Variants in ODF2L observed in about 807,000 individuals in gnomAD.
The protein encoded by ODF2L is protein BCAP.
A neutral mutation model predicts 86.3 loss-of-function variants in ODF2L; 76 were observed. That is an observed-to-expected ratio of 0.88 (90% confidence interval 0.73 to 1.07). ODF2L has a LOEUF of 1.07. ODF2L is among the 50% of genes least tolerant of loss of function. The pLI is 0.00. For synonymous variants in ODF2L, 241 were observed against 231.3 expected, an observed-to-expected ratio of 1.04 and a Z score of -0.38; for missense variants, 748 against 717.4, an observed-to-expected ratio of 1.04 and a Z score of -0.49.
intron 13 of ODF2L, 29 bp from the exon 13 acceptor site, chr1:86,356,631 C>G: frequency 5.0e-6 from 8 of 1,587,196 alleles, no homozygotes; most frequent in Non-Finnish European, 6.9e-6. Context: ...GAAATAAGTG[C>G]AAGATCACAC....
At chr1:86,359,000 T>G (rs911392293) in intron 12 of ODF2L, 109 bp from the exon 12 acceptor site, 6 of 561,496 alleles carry the variant, frequency 1.1e-5, no homozygotes, top group African/African-American at 2.0e-5. Flanking sequence ...CCTATCAATA[T>G]CCTTGACTGG....
chr1:86,395,248 T>TC (rs944622827), intron 1 of ODF2L, among the ~76,000 whole-genome samples: 60 of 152,322 alleles, frequency 3.9e-4, no homozygotes, highest in African/African-American at 1.4e-3. Flanking sequence ...GAGGAAACTG[T>TC]CTTCGAAATA....
At chr1:86,348,786 CTG>C (rs748251656), downstream of ODF2L, 1 of 1,530,054 alleles carries the variant, frequency 6.5e-7, no homozygotes, top group Non-Finnish European at 8.7e-7. Context: ...TTTTAAGAAA[CTG>C]TAAATAATTC....
chr1:86,382,295 T>A (rs1001487390), exon 7 of ODF2L: 1 of 1,612,530 alleles, frequency 6.2e-7, no homozygotes, highest in Non-Finnish European at 8.5e-7. Flanking sequence ...TGAATTTGGA[T>A]CTGTAGTCGT....
chr1:86,346,919 T>C (rs1657835369), downstream of ODF2L: 1 of 152,236 alleles, frequency 6.6e-6, no homozygotes, highest in Admixed American at 6.5e-5. Flanking sequence ...GAGCAGAGAC[T>C]CTGGATGTCT....
intron 1 of ODF2L, among the ~76,000 whole-genome samples, chr1:86,394,411 C>CA (rs34652957): frequency 0.46 from 52,972 of 115,254 alleles, 10,560 homozygotes; most frequent in African/African-American, 0.53. Context: ...GACTCCATCT[C>CA]AAAAAAAAAA....
At chr1:86,383,264 A>C (rs1660708684) in intron 4 of ODF2L, 68 bp from the exon 5 acceptor site, 2 of 736,510 alleles carry the variant, frequency 2.7e-6, no homozygotes. Flanking sequence ...GTAGGAAGTG[A>C]AATAAGCACT....
chr1:86,372,040 A>C (rs1659820201), intron 9 of ODF2L, among the ~76,000 whole-genome samples: 1 of 151,912 alleles, frequency 6.6e-6, no homozygotes, highest in Admixed American at 6.6e-5. Context: ...ACAAAAAAAA[A>C]CAGCTGGGCT....
Position 86,354,801 on chromosome 1 carries a change from A to AT in ODF2L, c.1576dup (p.Ile526AsnfsTer6). The AT allele has an allele frequency of 6.2e-7, 1 of 1,605,556 alleles. No individual in the cohort carries two copies. The highest frequency in any genetic ancestry group is 8.5e-7 in the Non-Finnish European group (1 of 1,173,834). On this transcript the variant is annotated frameshift_variant, in exon 15 of 18. Transcript: ENST00000317336. LOFTEE classifies it high-confidence loss of function. Reference sequence around the variant, plus strand: ...TTGAAGGTTTTCACACTTCAGCTGAATAAGACAGTTTTCCTCTTCCAGAGA... The same window carrying AT: ...TTGAAGGTTTTCACACTTCAGCTGAATTAAGACAGTTTTCCTCTTCCAGAGA...
intron 7 of ODF2L, among the ~76,000 whole-genome samples, chr1:86,380,936 G>A (rs892699191): frequency 6.7e-6 from 1 of 148,582 alleles, no homozygotes; most frequent in African/African-American, 2.5e-5. Flanking sequence ...GCCAAATTGA[G>A]TTCATTGGAT....
chr1:86,366,301 C>A (rs2100948482), intron 11 of ODF2L, among the ~76,000 whole-genome samples: 1 of 151,322 alleles, frequency 6.6e-6, no homozygotes, highest in East Asian at 1.9e-4. Context: ...CACCTGTAAT[C>A]CCAGTACTTT....
chr1:86,383,404 C>T (rs1660720788), intron 4 of ODF2L, among the ~76,000 whole-genome samples: 1 of 151,658 alleles, frequency 6.6e-6, no homozygotes, highest in African/African-American at 2.4e-5. Context: ...CTAAATTAAT[C>T]TCAAAAGAAT....
intron 7 of ODF2L, among the ~76,000 whole-genome samples, chr1:86,377,250 T>G (rs1660239730): frequency 6.6e-6 from 1 of 152,220 alleles, no homozygotes. Context: ...ATCTAGGTCA[T>G]GCTGATGCAA....
intron 4 of ODF2L, among the ~76,000 whole-genome samples, chr1:86,383,963 T>C (rs1038914657): frequency 2.6e-5 from 4 of 151,790 alleles, no homozygotes; most frequent in African/African-American, 7.2e-5. Flanking sequence ...ACGTAACATA[T>C]ATAAAGAAAC....
At chr1:86,354,532 T>G in exon 16 of ODF2L, 1 of 1,586,800 alleles carries the variant, frequency 6.3e-7, no homozygotes, top group Non-Finnish European at 8.6e-7. Flanking sequence ...ATGCATACCT[T>G]TTGTCTTCCT....
intron 1 of ODF2L, among the ~76,000 whole-genome samples, chr1:86,394,785 G>T (rs1323323549): frequency 6.7e-6 from 1 of 150,254 alleles, no homozygotes; most frequent in East Asian, 1.9e-4. Context: ...ACTATAAGCA[G>T]AATATCAAAC....
chr1:86,382,699 A>G (rs973360436), intron 6 of ODF2L, among the ~76,000 whole-genome samples: 3 of 151,928 alleles, frequency 2.0e-5, no homozygotes, highest in African/African-American at 4.8e-5. Flanking sequence ...AACAGTTCCT[A>G]TATGAAGTGA....
intron 12 of ODF2L, 112 bp downstream of exon 11, chr1:86,360,314 C>G: frequency 1.8e-6 from 1 of 564,608 alleles, no homozygotes. Flanking sequence ...CATATTATAA[C>G]CCACAATGAT....
intron 10 of ODF2L, among the ~76,000 whole-genome samples, chr1:86,369,022 T>A (rs1659629142): frequency 6.6e-6 from 1 of 152,144 alleles, no homozygotes; most frequent in South Asian, 2.1e-4. Flanking sequence ...GTGAGGTCAA[T>A]GATCACTCAG....
Sources: allele counts gnomAD v4.1 joint callset (sites outside exome capture counted in the v4.1 genomes callset), GRCh38; gene constraint gnomAD v4.1.1; transcripts MANE v1.5; gene names NCBI Gene and HGNC (gene_info 2026-07-23, HGNC 2026-07-21).